The following EYS variants were observed in gnomAD, a reference collection of about 807,000 sequenced individuals.
EYS encodes the protein protein eyes shut homolog.
A neutral mutation model predicts 282.1 loss-of-function variants in EYS; 250 were observed. The ratio of observed to expected loss-of-function variants is 0.89; its 90% CI spans 0.80 to 0.98. EYS has a LOEUF of 0.98. Among genes scored for constraint, EYS ranks in the 50% least tolerant of loss-of-function variants. EYS has a pLI of 0.00. For synonymous variants in EYS, 1,355 were observed against 1,282.9 expected (o/e 1.06, Z -1.20); for missense variants, 4,016 against 3,709.0 (o/e 1.08, Z -2.15).
intron 22 of EYS, among the ~76,000 whole-genome samples, chr6:64,713,691 A>C (rs1771284751): frequency 6.6e-6 from 1 of 152,204 alleles, no homozygotes; most frequent in African/African-American, 2.4e-5. Flanking sequence ...GGTAAGGTCA[A>C]CAAGCTTAAA....
chr6:64,591,942 C>A lies in EYS; in HGVS notation c.3925G>T (p.Gly1309Cys). ...GTGCTAATTCTTAATGTTGCCAAACCAGTGGTTGGGAGAATGTCGTGCTTG... is the reference window on the plus strand; with the variant it reads ...GTGCTAATTCTTAATGTTGCCAAACAAGTGGTTGGGAGAATGTCGTGCTTG... ...IVKHDILPTT[G>C]LATLRISTPL... The change falls in exon 26 of 43, where the codon GGT becomes TGT. Residue 1309 changes from glycine (G) to cysteine (C), a missense_variant. Transcript: ENST00000503581. 1 of 1,530,210 alleles carries A rather than the reference C, an allele frequency of 6.5e-7. No individual in the cohort carries two copies. The highest frequency in any genetic ancestry group is 8.8e-7 in the Non-Finnish European group (1 of 1,134,342). 94.8% of individuals were successfully genotyped at this position (1,530,210 alleles called of 1,614,324 possible). A position where few individuals can be genotyped will look rare whatever the true frequency, so the allele number is the denominator to read the frequency against.
At chr6:65,037,638 T>C (rs1394063623) in intron 13 of EYS, among the ~76,000 whole-genome samples, 1 of 151,790 alleles carries the variant, frequency 6.6e-6, no homozygotes, top group Non-Finnish European at 1.5e-5. Context: ...TATGTGTTAA[T>C]CAACTGTTAA....
intron 41 of EYS, among the ~76,000 whole-genome samples, chr6:63,738,103 A>T (rs1768971340): frequency 6.6e-6 from 1 of 152,156 alleles, no homozygotes; most frequent in South Asian, 2.1e-4. Context: ...GCTGGAGAGG[A>T]TGTGGAGAAA....
chr6:64,951,102 A>G (rs75926095), intron 14 of EYS, among the ~76,000 whole-genome samples: 5,825 of 151,684 alleles, frequency 0.038, 128 homozygotes, highest in South Asian at 0.087. Flanking sequence ...GTGAGCCCAC[A>G]ATTTGATCAG....
At chr6:63,778,235 A>G in intron 39 of EYS, 55 bp from the exon 40 acceptor site, 1 of 1,490,014 alleles carries the variant, frequency 6.7e-7, no homozygotes, top group Non-Finnish European at 9.1e-7. Flanking sequence ...TAGAAAAAAC[A>G]AGAAGAAGGT....
chr6:65,298,799 C>G (rs1768735293), intron 11 of EYS, among the ~76,000 whole-genome samples: 1 of 151,426 alleles, frequency 6.6e-6, no homozygotes, highest in South Asian at 2.1e-4. Flanking sequence ...GAAATTTTAT[C>G]TTTCCATTTA....
At chr6:65,260,602 C>T (rs555521661) in intron 12 of EYS, among the ~76,000 whole-genome samples, 1 of 151,746 alleles carries the variant, frequency 6.6e-6, no homozygotes, top group African/African-American at 2.4e-5. Context: ...ATTTTTTAAT[C>T]CATCAATTAT....
intron 4 of EYS, chr6:65,491,511 T>C (rs1247912565): frequency 1.4e-5 from 5 of 360,790 alleles, no homozygotes; most frequent in Middle Eastern, 9.9e-4. Context: ...TTATCATTGA[T>C]GTCTTTCAAA....
At chr6:65,475,139 T>C (rs1303732540) in intron 5 of EYS, among the ~76,000 whole-genome samples, 1 of 147,464 alleles carries the variant, frequency 6.8e-6, no homozygotes, top group East Asian at 2.0e-4. Flanking sequence ...CACCTCCTAG[T>C]TCAACTGTCA....
chr6:64,648,760 G>C (rs568113429), intron 22 of EYS, among the ~76,000 whole-genome samples: 1 of 152,150 alleles, frequency 6.6e-6, no homozygotes, highest in African/African-American at 2.4e-5. Flanking sequence ...AATGGATTCT[G>C]GAGGGGGAAA....
intron 36 of EYS, among the ~76,000 whole-genome samples, chr6:63,863,682 T>TTC (rs1283149520): frequency 3.1e-5 from 4 of 129,570 alleles, no homozygotes; most frequent in Admixed American, 8.0e-5. Context: ...TTTCTTTTTT[T>TTC]TTTTTTTTTT....
intron 29 of EYS, among the ~76,000 whole-genome samples, chr6:64,307,401 C>T (rs575404916): frequency 1.3e-5 from 2 of 152,144 alleles, no homozygotes; most frequent in East Asian, 3.9e-4. Flanking sequence ...TTGTTACAAC[C>T]TGGATGAAAC....
At chr6:63,903,953 C>T (rs1773715031) in intron 35 of EYS, among the ~76,000 whole-genome samples, 1 of 152,212 alleles carries the variant, frequency 6.6e-6, no homozygotes, top group South Asian at 2.1e-4. Flanking sequence ...TTATTTATAA[C>T]CCTCGATTTT....
At chr6:64,428,086 A>G (rs1774464846) in intron 28 of EYS, among the ~76,000 whole-genome samples, 1 of 152,112 alleles carries the variant, frequency 6.6e-6, no homozygotes, top group African/African-American at 2.4e-5. Flanking sequence ...ACTCAACTGG[A>G]TCATAATACA....
At chr6:65,681,552 A>G (rs572212728) in intron 1 of EYS, among the ~76,000 whole-genome samples, 4 of 152,050 alleles carry the variant, frequency 2.6e-5, no homozygotes, top group Non-Finnish European at 4.4e-5. Context: ...TTACAATGGT[A>G]GGCTACAAGC....
At chr6:64,841,485 AT>A (rs1765561860) in intron 19 of EYS, among the ~76,000 whole-genome samples, 1 of 152,152 alleles carries the variant, frequency 6.6e-6, no homozygotes, top group Non-Finnish European at 1.5e-5. Context: ...GTGCCAGGAA[AT>A]GTAGTTGATG....
At chr6:64,273,476 C>G (rs1768009468) in intron 30 of EYS, among the ~76,000 whole-genome samples, 1 of 151,848 alleles carries the variant, frequency 6.6e-6, no homozygotes, top group Non-Finnish European at 1.5e-5. Flanking sequence ...TATATAGTCT[C>G]TATGTTTTTC....
chr6:63,820,150 A>T lies in EYS; in HGVS notation c.7229-13778T>A, dbSNP rs1771284655. 2.6e-5 allele frequency among the ~76,000 whole-genome samples: 4 copies of T among 152,134 alleles called. No individual in the cohort carries two copies. The South Asian group carries it at 8.3e-4, about 32-fold the overall frequency. On this transcript the variant is annotated intron_variant, in intron 36 of 42. Coordinates refer to ENST00000503581, the MANE Select transcript of EYS (RefSeq NM_001142800.2). Reference sequence around the variant, plus strand: ...TGAATTCCCTCCAGTAATTTATATCATTGCTCTTTCTAATTTTTGACAGTC... The same window carrying T: ...TGAATTCCCTCCAGTAATTTATATCTTTGCTCTTTCTAATTTTTGACAGTC...
chr6:65,457,931 C>G (rs1764687779), intron 5 of EYS, among the ~76,000 whole-genome samples: 1 of 152,116 alleles, frequency 6.6e-6, no homozygotes, highest in Non-Finnish European at 1.5e-5. Context: ...AATTAGACCA[C>G]TATTTCTGCC....
Sources: gnomAD v4.1 joint callset for allele counts (sites outside exome capture counted in the v4.1 genomes callset) on GRCh38, gnomAD v4.1.1 for gene constraint, MANE v1.5 for transcripts, NCBI Gene and HGNC (gene_info 2026-07-23, HGNC 2026-07-21) for gene names.